The following MGAT4C variants were observed in gnomAD, a reference collection of about 807,000 sequenced individuals.
The protein encoded by MGAT4C is MGAT4 family member C, also known as alpha-1,3-mannosyl-glycoprotein 4-beta-N-acetylglucosaminyltransferase C.
In MGAT4C, 19 loss-of-function variants were observed where a neutral mutation model predicts 40.1. The ratio of observed to expected loss-of-function variants is 0.47; its 90% CI spans 0.33 to 0.70. The LOEUF is 0.70. Among genes scored for constraint, MGAT4C ranks in the 30% least tolerant of loss-of-function variants. MGAT4C has a pLI of 0.02. For synonymous variants in MGAT4C, 181 were observed against 187.1 expected, an observed-to-expected ratio of 0.97 and a Z score of 0.27; for missense variants, 491 against 563.2, an observed-to-expected ratio of 0.87 and a Z score of 1.30.
At chr12:86,783,918 T>G (rs1402935505) in intron 1 of MGAT4C, among the ~76,000 whole-genome samples, 1 of 152,154 alleles carries the variant, frequency 6.6e-6, no homozygotes, top group Non-Finnish European at 1.5e-5. Flanking sequence ...ATCTTCCTTA[T>G]AATACAGAAG....
chr12:86,064,687 T>C (rs747664879), intron 1 of MGAT4C, among the ~76,000 whole-genome samples: 3 of 151,974 alleles, frequency 2.0e-5, no homozygotes, highest in Non-Finnish European at 2.9e-5. Flanking sequence ...ATTCAAAACC[T>C]AGCAGAAGGC....
At chr12:86,575,203 C>A (rs1171253863) in intron 2 of MGAT4C, among the ~76,000 whole-genome samples, 1 of 151,622 alleles carries the variant, frequency 6.6e-6, no homozygotes, top group Non-Finnish European at 1.5e-5. Flanking sequence ...TCCCCTCAAG[C>A]ATTTATCCTT....
At chr12:86,223,855 G>A (rs1017869632) in intron 1 of MGAT4C, among the ~76,000 whole-genome samples, 2 of 152,090 alleles carry the variant, frequency 1.3e-5, no homozygotes, top group Non-Finnish European at 1.5e-5. Context: ...CAGTGAAATG[G>A]GGCCTTGGCC....
intron 1 of MGAT4C, among the ~76,000 whole-genome samples, chr12:86,806,706 T>C (rs140600910): frequency 4.1e-4 from 63 of 152,038 alleles, no homozygotes; most frequent in African/African-American, 1.5e-3. Context: ...TTTGAAAATG[T>C]CTTCCTTTCT....
intron 1 of MGAT4C, among the ~76,000 whole-genome samples, chr12:86,225,422 G>GA (rs1164403285): frequency 1.3e-5 from 2 of 151,982 alleles, no homozygotes; most frequent in Non-Finnish European, 2.9e-5. Context: ...GAAAGAGAAG[G>GA]AATTCTTCCC....
intron 1 of MGAT4C, among the ~76,000 whole-genome samples, chr12:86,205,418 A>G (rs1426905715): frequency 6.6e-6 from 1 of 151,582 alleles, no homozygotes; most frequent in Non-Finnish European, 1.5e-5. Flanking sequence ...AAATATTTGA[A>G]TATGGAGTTT....
At chr12:86,115,155 A>G (rs1878185958) in intron 1 of MGAT4C, among the ~76,000 whole-genome samples, 1 of 152,044 alleles carries the variant, frequency 6.6e-6, no homozygotes, top group African/African-American at 2.4e-5. Context: ...CATTTAGCAC[A>G]TATCTCATTC....
chr12:86,421,409 T>A (rs1956823374), intron 3 of MGAT4C, among the ~76,000 whole-genome samples: 1 of 152,176 alleles, frequency 6.6e-6, no homozygotes, highest in Admixed American at 6.5e-5. Context: ...AAAATCTCTT[T>A]TTCCAGAAAT....
chr12:86,322,538 A>G (rs1954421095), intron 4 of MGAT4C, among the ~76,000 whole-genome samples: 1 of 151,962 alleles, frequency 6.6e-6, no homozygotes, highest in Non-Finnish European at 1.5e-5. Context: ...CCAATTCAGT[A>G]TTATATTTAT....
At chr12:86,222,262 G>C (rs1950910316) in intron 1 of MGAT4C, among the ~76,000 whole-genome samples, 1 of 152,168 alleles carries the variant, frequency 6.6e-6, no homozygotes, top group African/African-American at 2.4e-5. Context: ...ATCTGGTATG[G>C]TGCTTTAATG....
intron 1 of MGAT4C, among the ~76,000 whole-genome samples, chr12:86,062,494 C>T (rs34415544): frequency 0.049 from 7,415 of 151,988 alleles, 235 homozygotes; most frequent in Non-Finnish European, 0.072. Context: ...CAGCTCCTCA[C>T]CAGCAAGGGA....
intron 3 of MGAT4C, among the ~76,000 whole-genome samples, chr12:86,354,077 T>G (rs1955248046): frequency 6.6e-6 from 1 of 152,188 alleles, no homozygotes; most frequent in Admixed American, 6.5e-5. Context: ...ATGATGAATG[T>G]GAATTTCCAG....
At chr12:86,412,314 A>G (rs1281147062) in intron 3 of MGAT4C, among the ~76,000 whole-genome samples, 1 of 152,154 alleles carries the variant, frequency 6.6e-6, no homozygotes, top group African/African-American at 2.4e-5. Context: ...AGCTGCAGGC[A>G]CTCAATGTTA....
intron 3 of MGAT4C, among the ~76,000 whole-genome samples, chr12:86,423,557 CAT>C (rs1224936188): frequency 5.9e-5 from 9 of 151,954 alleles, no homozygotes; most frequent in African/African-American, 2.2e-4. Flanking sequence ...AGCACATGTA[CAT>C]GTATAAATGT....
At position 86,184,352 on chromosome 12, in the gene MGAT4C, G is replaced by A. The variant is rs76942816; in HGVS notation, c.-57+71887C>T. On this transcript the variant is annotated intron_variant, in intron 1 of 4. Coordinates refer to ENST00000611864, the MANE Select transcript of MGAT4C (RefSeq NM_001351288.2). ...AGATTGCGCACTGCACTCCAGCCTGGGTGACTAAGTGAGACTCCGTTTAAA... is the reference window on the plus strand; with the variant it reads ...AGATTGCGCACTGCACTCCAGCCTGAGTGACTAAGTGAGACTCCGTTTAAA... Among the ~76,000 whole-genome samples, 3,420 of 151,072 alleles carry A rather than the reference G, an allele frequency of 0.023. 226 individuals carry two copies. The East Asian group carries it at 0.25, about 11-fold the overall frequency.
intron 3 of MGAT4C, among the ~76,000 whole-genome samples, chr12:86,377,490 C>T (rs1955851826): frequency 6.6e-6 from 1 of 152,122 alleles, no homozygotes; most frequent in Non-Finnish European, 1.5e-5. Flanking sequence ...TTTACTATTA[C>T]ACAGAATAGC....
intron 2 of MGAT4C, among the ~76,000 whole-genome samples, chr12:86,713,101 TAC>T (rs3080043): frequency 0.82 from 124,227 of 151,072 alleles, 51,787 homozygotes; most frequent in Non-Finnish European, 0.9. Context: ...TGCACACACA[TAC>T]ACACACACAC....
chr12:86,418,785 G>T (rs1365934764), intron 3 of MGAT4C, among the ~76,000 whole-genome samples: 1 of 152,016 alleles, frequency 6.6e-6, no homozygotes, highest in Non-Finnish European at 1.5e-5. Context: ...AGCATCATGT[G>T]TGTAGAAGGA....
At chr12:86,003,259 C>T (rs916419903) in intron 2 of MGAT4C, among the ~76,000 whole-genome samples, 4 of 152,056 alleles carry the variant, frequency 2.6e-5, no homozygotes, top group African/African-American at 4.8e-5. Context: ...TTGTTTGTTT[C>T]GTAAAAACAG....
Sources: gnomAD v4.1 joint callset for allele counts (sites outside exome capture counted in the v4.1 genomes callset) on GRCh38, gnomAD v4.1.1 for gene constraint, MANE v1.5 for transcripts, NCBI Gene and HGNC (gene_info 2026-07-23, HGNC 2026-07-21) for gene names.